The following SLC8A1 variants were observed in gnomAD, a reference collection of about 807,000 sequenced individuals.
SLC8A1 encodes the protein solute carrier family 8 member A1.
SLC8A1 carries 18 observed loss-of-function variants against 68.3 expected under a neutral mutation model. That is an observed-to-expected ratio of 0.26 (90% CI 0.18 to 0.39). SLC8A1 has a LOEUF of 0.39. SLC8A1 is among the 10% of genes least tolerant of loss of function. The pLI is 1.00. For synonymous variants in SLC8A1, 475 were observed against 415.5 expected, an observed-to-expected ratio of 1.14 and a Z score of -1.74; for missense variants, 985 against 1,156.7, an observed-to-expected ratio of 0.85 and a Z score of 2.15.
exon 8 of SLC8A1, chr2:40,102,963 G>T (rs2125030187): frequency 1.3e-5 from 2 of 152,262 alleles, no homozygotes; most frequent in Non-Finnish European, 2.9e-5. Flanking sequence ...AATTATAACA[G>T]AAATATTAGC....
At chr2:40,109,348 G>A (rs542528733) in exon 8 of SLC8A1, 5 of 152,156 alleles carry the variant, frequency 3.3e-5, no homozygotes, top group East Asian at 1.9e-4. Flanking sequence ...TGTGAATGTC[G>A]GTTCTCATTC....
At position 40,429,925 on chromosome 2, in the gene SLC8A1, T is replaced by C. The variant is rs1472238033; in HGVS notation, c.356A>G (p.Asn119Ser). The C allele has an allele frequency of 5.6e-6, 9 of 1,613,388 alleles. No individual in the cohort carries two copies. The highest frequency in any genetic ancestry group is 1.3e-5 in the African/African-American group (1 of 74,808). ...CACAGTTGTCTTGGTGGTCTCTCCA[T>C]TGGGTTTCTTTATGGTTATTTCTTT... The change falls in exon 2 of 8, where the codon AAT becomes AGT. Residue 119 changes from asparagine (N) to serine (S), a missense_variant. Asn to Ser is a conservative substitution (Grantham distance 46). Coordinates refer to ENST00000406785, the Ensembl canonical transcript of SLC8A1.
At chr2:40,494,341 A>T (rs1431921596) in intron 1 of SLC8A1, among the ~76,000 whole-genome samples, 2 of 152,060 alleles carry the variant, frequency 1.3e-5, no homozygotes, top group Non-Finnish European at 2.9e-5. Flanking sequence ...AGATTAAATA[A>T]ATGATAAACA....
chr2:40,132,135 A>C (rs2039501376), intron 7 of SLC8A1, among the ~76,000 whole-genome samples: 1 of 152,072 alleles, frequency 6.6e-6, no homozygotes, highest in Admixed American at 6.6e-5. Flanking sequence ...TAAAGAGAGA[A>C]ATTTAAAAAT....
At chr2:40,426,429 T>A (rs1696867303) in intron 2 of SLC8A1, among the ~76,000 whole-genome samples, 1 of 152,056 alleles carries the variant, frequency 6.6e-6, no homozygotes, top group South Asian at 2.1e-4. Context: ...CCAATTTAAT[T>A]GCATAGGATG....
At chr2:40,466,623 T>C (rs543696009) in intron 1 of SLC8A1, among the ~76,000 whole-genome samples, 2 of 152,282 alleles carry the variant, frequency 1.3e-5, no homozygotes, top group Non-Finnish European at 2.9e-5. Flanking sequence ...GATCTTGTAG[T>C]GCAATAAGGA....
At chr2:40,414,862 G>C (rs931278794) in intron 2 of SLC8A1, among the ~76,000 whole-genome samples, 3 of 151,922 alleles carry the variant, frequency 2.0e-5, no homozygotes, top group Non-Finnish European at 4.4e-5. Context: ...AATACTATTG[G>C]TTAAATAAAG....
At chr2:40,100,937 C>G (rs2033855081) in exon 8 of SLC8A1, 1 of 152,118 alleles carries the variant, frequency 6.6e-6, no homozygotes, top group Non-Finnish European at 1.5e-5. Flanking sequence ...CAGAATATCA[C>G]TGTTAAGCTT....
intron 1 of SLC8A1, among the ~76,000 whole-genome samples, chr2:40,483,811 C>T (rs1255511422): frequency 6.6e-6 from 1 of 152,140 alleles, no homozygotes; most frequent in African/African-American, 2.4e-5. Context: ...CATCATGGTC[C>T]ACGAGACAGT....
intron 1 of SLC8A1, among the ~76,000 whole-genome samples, chr2:40,483,314 C>T (rs1289451841): frequency 6.6e-6 from 1 of 151,300 alleles, no homozygotes; most frequent in Non-Finnish European, 1.5e-5. Context: ...GATGAAGTCT[C>T]TAGGTGATTA....
chr2:40,464,186 C>T (rs1703523557), intron 1 of SLC8A1, among the ~76,000 whole-genome samples: 1 of 152,288 alleles, frequency 6.6e-6, no homozygotes, highest in African/African-American at 2.4e-5. Context: ...TAAGCCACCA[C>T]ACCTGGCCAA....
chr2:40,411,198 T>G (rs1359743365), intron 2 of SLC8A1, among the ~76,000 whole-genome samples: 1 of 152,084 alleles, frequency 6.6e-6, no homozygotes, highest in Non-Finnish European at 1.5e-5. Flanking sequence ...TTTTGAACAC[T>G]AATAGTTACT....
exon 8 of SLC8A1, chr2:40,115,404 A>G: frequency 6.2e-7 from 1 of 1,614,032 alleles, no homozygotes; most frequent in Non-Finnish European, 8.5e-7. Context: ...ATACAGCAGC[A>G]CCCCCACATT....
At chr2:40,479,685 G>A (rs1704507848) in intron 1 of SLC8A1, among the ~76,000 whole-genome samples, 1 of 152,162 alleles carries the variant, frequency 6.6e-6, no homozygotes, top group Non-Finnish European at 1.5e-5. Context: ...ACTGGGGAAG[G>A]TAAGTACCAA....
upstream of SLC8A1, among the ~76,000 whole-genome samples, chr2:40,456,368 C>T (rs961521301): frequency 6.9e-6 from 1 of 144,736 alleles, no homozygotes; most frequent in South Asian, 2.3e-4. Context: ...AATTCTGAGA[C>T]TTCTGTTTTT....
intron 1 of SLC8A1, among the ~76,000 whole-genome samples, chr2:40,472,462 C>T (rs1195270398): frequency 6.6e-6 from 1 of 152,174 alleles, no homozygotes; most frequent in Non-Finnish European, 1.5e-5. Context: ...TATCTGTTGT[C>T]ACTGCACACT....
intron 6 of SLC8A1, among the ~76,000 whole-genome samples, chr2:40,147,929 C>G (rs2042748787): frequency 6.6e-6 from 1 of 152,116 alleles, no homozygotes; most frequent in Admixed American, 6.5e-5. Context: ...GTATTATTTT[C>G]TCTGTTTTAG....
chr2:40,274,634 C>A (rs2149154689), intron 2 of SLC8A1, among the ~76,000 whole-genome samples: 1 of 152,250 alleles, frequency 6.6e-6, no homozygotes, highest in African/African-American at 2.4e-5. Flanking sequence ...GTAGGGAACC[C>A]AGAAATGAGG....
chr2:40,138,629 T>G (rs2040977098), intron 7 of SLC8A1, among the ~76,000 whole-genome samples: 1 of 152,232 alleles, frequency 6.6e-6, no homozygotes, highest in Admixed American at 6.5e-5. Context: ...CTGTCACTCC[T>G]AGATCTTCCA....
Sources: allele counts gnomAD v4.1 joint callset (sites outside exome capture counted in the v4.1 genomes callset), GRCh38; gene constraint gnomAD v4.1.1; transcripts MANE v1.5; gene names NCBI Gene and HGNC (gene_info 2026-07-23, HGNC 2026-07-21).